The following DNAJC1 variants were observed in gnomAD, a reference collection of about 807,000 sequenced individuals.
DNAJC1 encodes DnaJ heat shock protein family (Hsp40) member C1, also known as dnaJ homolog subfamily C member 1.
DNAJC1 carries 58 observed loss-of-function variants against 76.6 expected under a neutral mutation model. The observed-to-expected ratio is 0.76, with a 90% CI of 0.61 to 0.94. The LOEUF (loss-of-function observed/expected upper bound fraction) is 0.94. Among genes scored for constraint, DNAJC1 ranks in the 40% least tolerant of loss-of-function variants. The pLI is 0.00. For missense variants in DNAJC1, 689 were observed against 677.3 expected, an observed-to-expected ratio of 1.02 and a Z score of -0.19; for synonymous variants, 258 against 267.9, an observed-to-expected ratio of 0.96 and a Z score of 0.36.
intron 7 of DNAJC1, among the ~76,000 whole-genome samples, chr10:21,890,260 A>G (rs1426277189): frequency 1.3e-5 from 2 of 151,938 alleles, no homozygotes; most frequent in Non-Finnish European, 2.9e-5. Context: ...TAAAAATATG[A>G]AAATTAGCCA....
rs564044519 is a variant in DNAJC1, at chr10:21,764,867, G to C, written c.1147+1394C>G. ...ATCGGATTTGCCTCTTTTCCTCTCT[G>C]TCCTGATGCTGGATCTGCTCTCTGC... On this transcript the variant is annotated intron_variant, in intron 10 of 11. Coordinates refer to ENST00000376980, the MANE Select transcript of DNAJC1 (RefSeq NM_022365.4). 2.6e-5 allele frequency among the ~76,000 whole-genome samples: 4 copies of C among 152,298 alleles called. No individual in the cohort carries two copies. The South Asian group carries it at 6.2e-4, about 24-fold the overall frequency.
intron 9 of DNAJC1, among the ~76,000 whole-genome samples, chr10:21,768,240 A>T (rs1834324910): frequency 6.6e-6 from 1 of 152,196 alleles, no homozygotes; most frequent in Non-Finnish European, 1.5e-5. Context: ...TTGGCTGTAA[A>T]CATGTGCTAT....
chr10:21,953,071 A>C (rs1462774917), intron 1 of DNAJC1, among the ~76,000 whole-genome samples: 1 of 152,156 alleles, frequency 6.6e-6, no homozygotes, highest in African/African-American at 2.4e-5. Flanking sequence ...GACTCTCTTG[A>C]CTGTAAAAGG....
At chr10:21,986,104 G>C (rs1838243140) in intron 1 of DNAJC1, among the ~76,000 whole-genome samples, 4 of 152,140 alleles carry the variant, frequency 2.6e-5, no homozygotes, top group Admixed American at 2.6e-4. Context: ...GCGGGTGCCT[G>C]TAGTCCCAGC....
intron 8 of DNAJC1, among the ~76,000 whole-genome samples, chr10:21,838,994 A>G (rs543191871): frequency 6.6e-6 from 1 of 152,360 alleles, no homozygotes; most frequent in South Asian, 2.1e-4. Context: ...CTGCTCCTGA[A>G]TGACTACTGG....
At chr10:21,810,102 C>T (rs1365502414) in intron 8 of DNAJC1, among the ~76,000 whole-genome samples, 1 of 152,110 alleles carries the variant, frequency 6.6e-6, no homozygotes, top group Non-Finnish European at 1.5e-5. Flanking sequence ...AATACAGTCA[C>T]ATTGGGAGTT....
chr10:21,906,498 G>A (rs1836748426), intron 6 of DNAJC1, among the ~76,000 whole-genome samples: 1 of 152,166 alleles, frequency 6.6e-6, no homozygotes, highest in Non-Finnish European at 1.5e-5. Flanking sequence ...AGAAGAAAAG[G>A]TCAGGAAGGC....
intron 8 of DNAJC1, among the ~76,000 whole-genome samples, chr10:21,845,516 G>A (rs542216776): frequency 7.9e-5 from 12 of 151,896 alleles, no homozygotes; most frequent in Admixed American, 5.2e-4. Flanking sequence ...CACCATGCCC[G>A]GCTAATGTTT....
intron 1 of DNAJC1, among the ~76,000 whole-genome samples, chr10:21,962,458 G>GC (rs1837811347): frequency 1.5e-5 from 1 of 68,698 alleles, no homozygotes; most frequent in Non-Finnish European, 2.7e-5. Flanking sequence ...CTATTTTATT[G>GC]CTTTTTTTTT....
intron 8 of DNAJC1, among the ~76,000 whole-genome samples, chr10:21,808,945 A>G (rs903050791): frequency 6.6e-5 from 10 of 152,270 alleles, no homozygotes; most frequent in African/African-American, 1.4e-4. Flanking sequence ...CATACTGAAT[A>G]CAAAATAAAA....
At chr10:21,817,595 A>G (rs1835095776) in intron 8 of DNAJC1, among the ~76,000 whole-genome samples, 1 of 152,188 alleles carries the variant, frequency 6.6e-6, no homozygotes, top group South Asian at 2.1e-4. Context: ...TTCATACAAG[A>G]GCCAAATTAA....
chr10:21,917,728 TAACTGTA>T (rs1485478395), intron 6 of DNAJC1, among the ~76,000 whole-genome samples: 1 of 152,012 alleles, frequency 6.6e-6, no homozygotes, highest in Non-Finnish European at 1.5e-5. Context: ...TTTTCTCTAT[TAACTGTA>T]AACAAAATAT....
At chr10:21,889,485 T>G (rs1836424953) in intron 7 of DNAJC1, among the ~76,000 whole-genome samples, 1 of 152,114 alleles carries the variant, frequency 6.6e-6, no homozygotes, top group African/African-American at 2.4e-5. Context: ...CACTAAGAAT[T>G]ATAAAAAAGA....
At chr10:21,813,172 CTCCCTCTCTCTCTCTCT>C (rs1835005072) in intron 8 of DNAJC1, among the ~76,000 whole-genome samples, 1 of 61,388 alleles carries the variant, frequency 1.6e-5, no homozygotes, top group Non-Finnish European at 2.9e-5. Context: ...CTCTCTCTCT[CTCCCTCTCTCTCTCTCT>C]CTCTCTCTCT....
In DNAJC1 at chr10:21,839,717, T is replaced by C. The variant is rs528071311; in HGVS notation, c.979-33618A>G. ...TTCCTTCTGAAACTATTCCAATCAA[T>C]AGAAAAAGAGGGAATCCTCCCTAAC... On this transcript the variant is annotated intron_variant, in intron 8 of 11. Transcript: ENST00000376980. Among the ~76,000 whole-genome samples, 523 of 152,064 alleles carry C rather than the reference T, an allele frequency of 3.4e-3. 4 individuals are homozygous for C. Among genetic ancestry groups the C allele is most frequent in the African/African-American group, 0.011 (475 of 41,502 alleles).
intron 7 of DNAJC1, among the ~76,000 whole-genome samples, chr10:21,891,476 CAAAAA>C (rs369729722): frequency 2.6e-5 from 1 of 38,862 alleles, no homozygotes; most frequent in Admixed American, 3.1e-4. Context: ...ACAAAGTAGA[CAAAAA>C]AAAAAAAAAA....
intron 8 of DNAJC1, among the ~76,000 whole-genome samples, chr10:21,866,258 A>C (rs1836000973): frequency 6.6e-6 from 1 of 152,000 alleles, no homozygotes; most frequent in African/African-American, 2.4e-5. Flanking sequence ...GAATGCTTTA[A>C]ATAAAATTTG....
intron 1 of DNAJC1, among the ~76,000 whole-genome samples, chr10:21,985,963 C>G (rs1332964852): frequency 1.3e-5 from 2 of 151,976 alleles, no homozygotes; most frequent in African/African-American, 4.8e-5. Flanking sequence ...CACGGTGGCT[C>G]ACGCCTGTAA....
intron 8 of DNAJC1, among the ~76,000 whole-genome samples, chr10:21,834,438 G>A (rs375150262): frequency 2.0e-5 from 3 of 152,158 alleles, no homozygotes; most frequent in African/African-American, 7.2e-5. Context: ...CTGAGGTACC[G>A]GGTTCATCTC....
Sources: allele counts gnomAD v4.1 joint callset (sites outside exome capture counted in the v4.1 genomes callset), GRCh38; gene constraint gnomAD v4.1.1; transcripts MANE v1.5; gene names NCBI Gene and HGNC (gene_info 2026-07-23, HGNC 2026-07-21).